CEP63: variants seen among roughly 807,000 people sequenced by gnomAD.
CEP63 encodes the protein centrosomal protein of 63 kDa.
Under a neutral mutation model 89.1 loss-of-function variants are expected in CEP63, and 84 were observed. That is an observed-to-expected ratio of 0.94 (90% CI 0.79 to 1.13). CEP63 has a LOEUF of 1.13. CEP63 is among the 50% of genes most tolerant of loss of function. The probability of loss-of-function intolerance (pLI) is 0.00; values close to 1 mark genes in which losing one functional copy is unlikely to be tolerated. For missense variants in CEP63, 838 were observed against 813.3 expected, an observed-to-expected ratio of 1.03 and a Z score of -0.37; for synonymous variants, 267 against 272.5, an observed-to-expected ratio of 0.98 and a Z score of 0.20.
At chr3:134,669,672 G>C in the CEP63 span, among the ~76,000 whole-genome samples, 2 of 152,184 alleles carry the variant, frequency 1.3e-5, no homozygotes, top group Admixed American at 6.5e-5. Flanking sequence ...TTTCAGTGAT[G>C]ACAAAGCTCT....
intron 3 of CEP63, among the ~76,000 whole-genome samples, chr3:134,508,974 T>A (rs1360481941): frequency 2.6e-5 from 4 of 151,402 alleles, no homozygotes; most frequent in African/African-American, 7.3e-5. Flanking sequence ...TTTCTTGCTT[T>A]TTTTTTTTTT....
At chr3:134,495,831 T>C (rs1361857260) in intron 2 of CEP63, among the ~76,000 whole-genome samples, 1 of 152,218 alleles carries the variant, frequency 6.6e-6, no homozygotes, top group African/African-American at 2.4e-5. Context: ...CATGAGATAT[T>C]TGTCTTTCTG....
chr3:134,532,492 C>T (rs1221433817), intron 4 of CEP63, among the ~76,000 whole-genome samples: 2 of 152,108 alleles, frequency 1.3e-5, no homozygotes, highest in Admixed American at 1.3e-4. Context: ...TTTTTATTTG[C>T]TGCTTTATTG....
the CEP63 span, among the ~76,000 whole-genome samples, chr3:134,716,500 G>A: frequency 2.0e-4 from 31 of 152,126 alleles, no homozygotes; most frequent in African/African-American, 6.0e-4. Context: ...GATATTTGGC[G>A]GCTCATGTGC....
intron 2 of CEP63, among the ~76,000 whole-genome samples, chr3:134,497,267 A>G (rs1047861214): frequency 6.6e-6 from 1 of 152,204 alleles, no homozygotes; most frequent in African/African-American, 2.4e-5. Flanking sequence ...TTTTTAGTTT[A>G]ACTAGGTCCC....
intron 11 of CEP63, among the ~76,000 whole-genome samples, chr3:134,551,286 A>G (rs189027668): frequency 8.6e-4 from 131 of 152,248 alleles, no homozygotes; most frequent in Admixed American, 6.5e-3. Flanking sequence ...CCCCTGAGAG[A>G]CTTAATGATT....
intron 11 of CEP63, among the ~76,000 whole-genome samples, 170 bp from the exon 12 acceptor site, chr3:134,551,752 TATAC>T (rs1253097208): frequency 9.7e-4 from 13 of 13,434 alleles, no homozygotes; most frequent in African/African-American, 2.5e-3. Flanking sequence ...TATATATATA[TATAC>T]ACACACACAC....
chr3:134,485,952 C>A (rs190969508), upstream of CEP63: 8 of 982,250 alleles, frequency 8.1e-6, no homozygotes, highest in African/African-American at 1.2e-4. Flanking sequence ...AAACCCTTAC[C>A]GGCACCCGGC....
At chr3:134,532,017 C>A in intron 4 of CEP63, 77 bp downstream of exon 4, 1 of 945,868 alleles carries the variant, frequency 1.1e-6, no homozygotes, top group Non-Finnish European at 1.7e-6. Context: ...TAATGAAAGC[C>A]AGTTTCTACT....
At chr3:134,689,079 T>C in the CEP63 span, among the ~76,000 whole-genome samples, 1 of 152,180 alleles carries the variant, frequency 6.6e-6, no homozygotes, top group African/African-American at 2.4e-5. Context: ...CTCCAGCTTG[T>C]GTATGAAATG....
the CEP63 span, among the ~76,000 whole-genome samples, chr3:134,648,116 T>C: frequency 6.6e-6 from 1 of 152,224 alleles, no homozygotes; most frequent in African/African-American, 2.4e-5. Context: ...GTCGAGTTCC[T>C]GGCACAGCAT....
chr3:134,758,387 C>A, the CEP63 span, among the ~76,000 whole-genome samples: 1 of 152,270 alleles, frequency 6.6e-6, no homozygotes, highest in African/African-American at 2.4e-5. Context: ...AAAGACAGCC[C>A]TTAGGGTGTT....
At chr3:134,584,766 T>C in intron 10 of CEP63, among the ~76,000 whole-genome samples, 1 of 152,102 alleles carries the variant, frequency 6.6e-6, no homozygotes, top group African/African-American at 2.4e-5. Flanking sequence ...CCAGCTCCTC[T>C]TTGTACCTCT....
At chr3:134,602,863 G>T in the CEP63 span, among the ~76,000 whole-genome samples, 1 of 152,248 alleles carries the variant, frequency 6.6e-6, no homozygotes, top group Admixed American at 6.5e-5. Context: ...GGCATGGGCT[G>T]CTCTTTGCTT....
chr3:134,772,110 C>A, the CEP63 span, among the ~76,000 whole-genome samples: 17 of 152,304 alleles, frequency 1.1e-4, 1 homozygote, highest in Middle Eastern at 3.4e-3. Context: ...TTAAAGCAGA[C>A]ACAGGCAGGC....
chr3:134,594,627 G>T, the CEP63 span, among the ~76,000 whole-genome samples: 2 of 152,200 alleles, frequency 1.3e-5, no homozygotes, highest in African/African-American at 4.8e-5. Context: ...AGGGGCAAAG[G>T]AGTACACTGC....
At chr3:134,641,561 C>T in the CEP63 span, among the ~76,000 whole-genome samples, 4 of 152,164 alleles carry the variant, frequency 2.6e-5, no homozygotes, top group South Asian at 2.1e-4. Flanking sequence ...CTCTAAAAAA[C>T]GCTGGCCCGG....
At chr3:134,733,027 A>G in the CEP63 span, among the ~76,000 whole-genome samples, 1 of 152,216 alleles carries the variant, frequency 6.6e-6, no homozygotes, top group Non-Finnish European at 1.5e-5. Flanking sequence ...GCCAGAGGAC[A>G]TTAGCACAAT....
At chr3:134,716,563 C>T in the CEP63 span, among the ~76,000 whole-genome samples, 1 of 152,184 alleles carries the variant, frequency 6.6e-6, no homozygotes, top group African/African-American at 2.4e-5. Flanking sequence ...GTCTGCCATA[C>T]ATCCAAGCCC....
Sources: gnomAD v4.1 joint callset for allele counts (sites outside exome capture counted in the v4.1 genomes callset) on GRCh38, gnomAD v4.1.1 for gene constraint, MANE v1.5 for transcripts, NCBI Gene and HGNC (gene_info 2026-07-23, HGNC 2026-07-21) for gene names.